ACSS3: variants seen among roughly 807,000 people sequenced by gnomAD.
The protein encoded by ACSS3 is acyl-CoA synthetase short-chain family member 3, mitochondrial.
A neutral mutation model predicts 84.2 loss-of-function variants in ACSS3; 64 were observed. That is an observed-to-expected ratio of 0.76 (90% CI 0.62 to 0.94). The LOEUF (loss-of-function observed/expected upper bound fraction) is 0.94, where lower values mean the gene tolerates loss of function less well. Among genes scored for constraint, ACSS3 ranks in the 40% least tolerant of loss-of-function variants. The pLI is 0.00. For synonymous variants in ACSS3, 317 were observed against 310.1 expected (o/e 1.02, Z -0.23); for missense variants, 815 against 867.6 (o/e 0.94, Z 0.76).
At chr12:81,173,926 C>T (rs1270344076) in intron 7 of ACSS3, among the ~76,000 whole-genome samples, 6 of 132,800 alleles carry the variant, frequency 4.5e-5, no homozygotes, top group Non-Finnish European at 8.2e-5. Context: ...CCTCCAACTT[C>T]CACAAACGGA....
intron 8 of ACSS3, 91 bp from the exon 9 acceptor site, chr12:81,199,250 T>G: frequency 4.1e-5 from 44 of 1,080,914 alleles, no homozygotes; most frequent in Non-Finnish European, 5.5e-5. Flanking sequence ...TCTGACATAA[T>G]GAGTGTGGTT....
intron 7 of ACSS3, among the ~76,000 whole-genome samples, chr12:81,169,780 A>G (rs1283857772): frequency 6.6e-6 from 1 of 152,148 alleles, no homozygotes; most frequent in Non-Finnish European, 1.5e-5. Flanking sequence ...AAGACACATG[A>G]CCTATAGTAG....
chr12:81,084,043 A>G (rs1881164240), intron 1 of ACSS3, among the ~76,000 whole-genome samples: 1 of 152,132 alleles, frequency 6.6e-6, no homozygotes, highest in Admixed American at 6.5e-5. Context: ...CTCGGCTGGA[A>G]CTGAGCAGCT....
intron 3 of ACSS3, among the ~76,000 whole-genome samples, chr12:81,135,441 A>G (rs1437664517): frequency 1.4e-5 from 2 of 144,770 alleles, no homozygotes; most frequent in East Asian, 3.9e-4. Context: ...AATATATAAT[A>G]TTATAATAAT....
At chr12:81,151,947 A>G (rs368119795) in intron 6 of ACSS3, 23 bp downstream of exon 6, 13 of 1,613,110 alleles carry the variant, frequency 8.1e-6, no homozygotes, top group Non-Finnish European at 1.1e-5. Flanking sequence ...TTAAATTTAC[A>G]TTACATGACA....
chr12:81,223,950 G>A (rs764361718), intron 11 of ACSS3, among the ~76,000 whole-genome samples: 2 of 151,928 alleles, frequency 1.3e-5, no homozygotes, highest in African/African-American at 4.8e-5. Context: ...GACATCCTTT[G>A]TCCTGCCCTA....
At chr12:81,083,107 T>C (rs1033328593) in intron 1 of ACSS3, among the ~76,000 whole-genome samples, 6 of 152,194 alleles carry the variant, frequency 3.9e-5, no homozygotes, top group South Asian at 2.1e-4. Flanking sequence ...AGGATAGTTA[T>C]AGTAGACCAG....
chr12:81,140,813 G>T (rs1187302291), intron 4 of ACSS3, among the ~76,000 whole-genome samples: 1 of 152,136 alleles, frequency 6.6e-6, no homozygotes, highest in African/African-American at 2.4e-5. Flanking sequence ...GTATATGTGT[G>T]CTGTTTACAT....
chr12:81,133,277 C>T (rs768952633), intron 2 of ACSS3, among the ~76,000 whole-genome samples: 1 of 152,024 alleles, frequency 6.6e-6, no homozygotes, highest in Non-Finnish European at 1.5e-5. Flanking sequence ...ATGAAAGGAG[C>T]CATAAATAGA....
At chr12:81,199,853 C>G in intron 9 of ACSS3, 1 of 407,034 alleles carries the variant, frequency 2.5e-6, no homozygotes, top group South Asian at 2.1e-5. Context: ...TCTCTATTCT[C>G]TCTGCTTTTT....
intron 9 of ACSS3, among the ~76,000 whole-genome samples, chr12:81,213,977 T>C (rs1279751871): frequency 0.028 from 987 of 35,144 alleles, 152 homozygotes; most frequent in Non-Finnish European, 0.077. Context: ...CTTTCTTTCT[T>C]TCTTTCTTTC....
intron 1 of ACSS3, among the ~76,000 whole-genome samples, chr12:81,080,545 G>A (rs1004103096): frequency 1.3e-5 from 2 of 152,026 alleles, no homozygotes; most frequent in South Asian, 4.2e-4. Flanking sequence ...TCAGCAGTGC[G>A]ATTCAATCTT....
chr12:81,218,939 A>T (rs1255306648), intron 10 of ACSS3, among the ~76,000 whole-genome samples: 3 of 150,480 alleles, frequency 2.0e-5, no homozygotes, highest in Non-Finnish European at 4.4e-5. Flanking sequence ...GTATAATAAT[A>T]AAAAAAAACG....
chr12:81,232,021 C>G (rs779855522), intron 12 of ACSS3, among the ~76,000 whole-genome samples: 1 of 151,802 alleles, frequency 6.6e-6, no homozygotes, highest in African/African-American at 2.4e-5. Flanking sequence ...ACCTAATCAA[C>G]GAAATGAAAA....
intron 9 of ACSS3, among the ~76,000 whole-genome samples, chr12:81,204,240 A>G (rs541996924): frequency 1.3e-4 from 20 of 152,022 alleles, no homozygotes; most frequent in Non-Finnish European, 1.0e-4. Flanking sequence ...TTACTGTTAA[A>G]TCCTAAACAC....
intron 3 of ACSS3, among the ~76,000 whole-genome samples, chr12:81,136,100 A>C (rs1407273500): frequency 6.6e-6 from 1 of 152,190 alleles, no homozygotes; most frequent in Non-Finnish European, 1.5e-5. Context: ...ATATACTTCC[A>C]GGAAGTATAT....
At chr12:81,102,741 A>G (rs960165593) in intron 1 of ACSS3, among the ~76,000 whole-genome samples, 2 of 151,844 alleles carry the variant, frequency 1.3e-5, no homozygotes, top group Non-Finnish European at 2.9e-5. Flanking sequence ...AGGCAGGAGA[A>G]CTGCTTGAGC....
At chr12:81,079,551 G>T (rs948252844) in intron 1 of ACSS3, among the ~76,000 whole-genome samples, 3 of 152,172 alleles carry the variant, frequency 2.0e-5, no homozygotes, top group Non-Finnish European at 2.9e-5. Context: ...AAGTGTGTGG[G>T]GATGACATGG....
Position 81,109,660 on chromosome 12 carries a change from A to G in ACSS3, c.412A>G (p.Thr138Ala), listed in dbSNP as rs777575475. Residue 138 changes from threonine (T) to alanine (A), a missense_variant, in exon 2 of 16, where the codon ACA (threonine) becomes GCA (alanine). Thr to Ala is a moderately conservative substitution (Grantham distance 58). Transcript: ENST00000548058. ...KIAIIYDSPV[T>A]NTKATFTYKE... ...TGCTATCATCTATGACAGTCCTGTT[A>G]CAAACACTAAAGCAACCTTTACCTA... The G allele has an allele frequency of 3.1e-6, 5 of 1,610,926 alleles. No homozygotes were observed. The highest frequency in any genetic ancestry group is 4.2e-6 in the Non-Finnish European group (5 of 1,178,706).
Sources: gnomAD v4.1 joint callset for allele counts (sites outside exome capture counted in the v4.1 genomes callset) on GRCh38, gnomAD v4.1.1 for gene constraint, MANE v1.5 for transcripts, NCBI Gene and HGNC (gene_info 2026-07-23, HGNC 2026-07-21) for gene names.